The following WDPCP variants were observed in gnomAD, a reference collection of about 807,000 sequenced individuals.
WDPCP encodes WD repeat containing planar cell polarity effector.
In WDPCP, 71 loss-of-function variants were observed where a neutral mutation model predicts 93.1. The observed-to-expected ratio is 0.76, with a 90% CI of 0.63 to 0.93. The LOEUF (loss-of-function observed/expected upper bound fraction) is 0.93. WDPCP is among the 40% of genes least tolerant of loss of function. The pLI, the probability that WDPCP is intolerant of heterozygous loss-of-function variation, is 0.00. For missense variants in WDPCP, 844 were observed against 887.4 expected (o/e 0.95, Z 0.62); for synonymous variants, 315 against 315.0 (o/e 1.00, Z 0.00).
chr2:63,166,576 A>C (rs1451624085), intron 15 of WDPCP, among the ~76,000 whole-genome samples: 2 of 151,576 alleles, frequency 1.3e-5, no homozygotes, highest in Non-Finnish European at 2.9e-5. Context: ...TATTTTTAGT[A>C]GAGACAGGGT....
At chr2:63,686,125 A>G (rs1253291687) in intron 2 of WDPCP, among the ~76,000 whole-genome samples, 1 of 152,206 alleles carries the variant, frequency 6.6e-6, no homozygotes, top group Non-Finnish European at 1.5e-5. Flanking sequence ...GACAAGAGAA[A>G]GAAAGGGCAT....
At chr2:63,680,928 GACACAC>G (rs1710485727) in intron 2 of WDPCP, among the ~76,000 whole-genome samples, 1 of 151,986 alleles carries the variant, frequency 6.6e-6, no homozygotes, top group Non-Finnish European at 1.5e-5. Flanking sequence ...AACATATCTA[GACACAC>G]ACTGGGCCAG....
intron 9 of WDPCP, among the ~76,000 whole-genome samples, chr2:63,411,221 C>A (rs1417270134): frequency 6.6e-6 from 1 of 152,044 alleles, no homozygotes; most frequent in African/African-American, 2.4e-5. Flanking sequence ...AAAATTAACT[C>A]CAAAAGGAAC....
intron 14 of WDPCP, among the ~76,000 whole-genome samples, chr2:63,246,491 G>T (rs899737633): frequency 6.6e-6 from 1 of 152,168 alleles, no homozygotes; most frequent in Admixed American, 6.6e-5. Context: ...GGTATCCTTA[G>T]ATCAATGAAG....
chr2:63,575,536 A>AGTGTATGCG lies in WDPCP; in HGVS notation c.75+12660_75+12661insCGCATACAC, dbSNP rs1558833713. On this transcript the variant is annotated intron_variant, in intron 1 of 17. Coordinates refer to ENST00000272321, the MANE Select transcript of WDPCP (RefSeq NM_015910.7). Reference sequence around the variant, plus strand: ...TATATATAGTATATACAGTATATACACTGTATATATAGTATATACAGTATA... The same window carrying AGTGTATGCG: ...TATATATAGTATATACAGTATATACAGTGTATGCGCTGTATATATAGTATATACAGTATA... 3.8e-5 allele frequency among the ~76,000 whole-genome samples: 5 copies of AGTGTATGCG among 133,006 alleles called. 1 individual carries two copies. Among genetic ancestry groups the AGTGTATGCG allele is most frequent in the African/African-American group, 1.4e-4 (5 of 35,816 alleles). 87.3% of individuals were successfully genotyped at this position (133,006 alleles called of 152,430 possible). A position where few individuals can be genotyped will look rare whatever the true frequency, so the allele number is the denominator to read the frequency against.
At chr2:63,637,353 CA>C (rs1324561028) in intron 3 of WDPCP, among the ~76,000 whole-genome samples, 3 of 74,856 alleles carry the variant, frequency 4.0e-5, no homozygotes, top group Non-Finnish European at 5.2e-5. Flanking sequence ...CTCCGTCTCA[CA>C]AAAAAAAAGA....
At chr2:63,204,588 C>T (rs1478520619) in intron 14 of WDPCP, among the ~76,000 whole-genome samples, 4 of 151,982 alleles carry the variant, frequency 2.6e-5, no homozygotes, top group African/African-American at 7.3e-5. Flanking sequence ...GTGATCTGCC[C>T]GCCTCAGCCT....
intron 1 of WDPCP, among the ~76,000 whole-genome samples, chr2:63,525,852 C>T (rs1391628671): frequency 1.3e-5 from 2 of 152,152 alleles, no homozygotes; most frequent in East Asian, 3.9e-4. Context: ...GTAATTTCCT[C>T]CTGGGCAAGG....
intron 2 of WDPCP, among the ~76,000 whole-genome samples, chr2:63,723,815 T>TA (rs879304529): frequency 1.7e-4 from 25 of 147,682 alleles, no homozygotes; most frequent in African/African-American, 3.5e-4. Context: ...TTGGCAAAGT[T>TA]AAAAAAAAAA....
At chr2:63,736,763 T>A (rs1053074797) in intron 2 of WDPCP, among the ~76,000 whole-genome samples, 1 of 152,014 alleles carries the variant, frequency 6.6e-6, no homozygotes. Flanking sequence ...GAAAAAAAAA[T>A]TAGGAATGAA....
chr2:63,710,660 T>C (rs1669248661), intron 2 of WDPCP, among the ~76,000 whole-genome samples: 1 of 152,180 alleles, frequency 6.6e-6, no homozygotes, highest in Non-Finnish European at 1.5e-5. Flanking sequence ...TAGCCCTGAC[T>C]TTGGGAAAGA....
intron 1 of WDPCP, among the ~76,000 whole-genome samples, chr2:63,581,170 G>A (rs1247934157): frequency 6.6e-6 from 1 of 152,200 alleles, no homozygotes; most frequent in Non-Finnish European, 1.5e-5. Flanking sequence ...TTAGAGCTTA[G>A]TTCCATAAGA....
Position 63,200,591 on chromosome 2 carries a change from T to C in WDPCP, c.1916-25759A>G, listed in dbSNP as rs1234169903. The stretch of plus-strand genomic sequence containing the variant: ...AGCCAGGCACAGAAAGACAAACTTA[T>C]CATGTTCACTTATTTATGAGAGCTA... On this transcript the variant is annotated intron_variant, in intron 14 of 17. Transcript: ENST00000272321. Among the ~76,000 whole-genome samples, 3 of 152,192 alleles carry C rather than the reference T, an allele frequency of 2.0e-5. No individual in the cohort carries two copies. The East Asian group carries it at 5.8e-4, about 29-fold the overall frequency.
chr2:63,787,996 G>A (rs1670494650), intron 2 of WDPCP, among the ~76,000 whole-genome samples: 1 of 152,038 alleles, frequency 6.6e-6, no homozygotes, highest in Admixed American at 6.6e-5. Context: ...CTGAGATCAT[G>A]TGCCACTGCA....
chr2:63,401,405 T>C (rs899980817), intron 10 of WDPCP, among the ~76,000 whole-genome samples: 2 of 152,200 alleles, frequency 1.3e-5, no homozygotes, highest in African/African-American at 4.8e-5. Context: ...AAGCTCATCA[T>C]CACCGATCAT....
chr2:63,353,420 C>T (rs570694509), intron 12 of WDPCP, among the ~76,000 whole-genome samples: 5 of 152,292 alleles, frequency 3.3e-5, no homozygotes, highest in African/African-American at 1.2e-4. Flanking sequence ...AAAGATAAGA[C>T]CCACTGGCTT....
At chr2:63,531,816 C>A (rs1008970966) in intron 1 of WDPCP, among the ~76,000 whole-genome samples, 1 of 152,154 alleles carries the variant, frequency 6.6e-6, no homozygotes, top group Non-Finnish European at 1.5e-5. Flanking sequence ...TCCAAAGGAT[C>A]GCAGCTCCTC....
At chr2:63,123,816 GTC>G (rs1170881959) in intron 17 of WDPCP, among the ~76,000 whole-genome samples, 1 of 151,084 alleles carries the variant, frequency 6.6e-6, no homozygotes, top group Non-Finnish European at 1.5e-5. Context: ...TTTGCTTCTA[GTC>G]TCTTTTTCTC....
At chr2:63,154,401 C>G (rs919650228) in intron 15 of WDPCP, among the ~76,000 whole-genome samples, 1 of 152,094 alleles carries the variant, frequency 6.6e-6, no homozygotes, top group East Asian at 1.9e-4. Context: ...TGGAATTATA[C>G]CATATAAACT....
Sources: gnomAD v4.1 joint callset for allele counts (sites outside exome capture counted in the v4.1 genomes callset) on GRCh38, gnomAD v4.1.1 for gene constraint, MANE v1.5 for transcripts, NCBI Gene and HGNC (gene_info 2026-07-23, HGNC 2026-07-21) for gene names.